The following KCNJ6 variants were observed in gnomAD, a reference collection of about 807,000 sequenced individuals.
The protein encoded by KCNJ6 is G protein-activated inward rectifier potassium channel 2.
Under a neutral mutation model 34.2 loss-of-function variants are expected in KCNJ6, and 9 were observed. The ratio of observed to expected loss-of-function variants is 0.26; its 90% CI spans 0.16 to 0.46. The LOEUF (loss-of-function observed/expected upper bound fraction) is 0.46. KCNJ6 is among the 20% of genes least tolerant of loss of function. KCNJ6 has a pLI of 1.00. For missense variants in KCNJ6, 236 were observed against 531.3 expected (o/e 0.44, Z 5.46); for synonymous variants, 196 against 207.1 (o/e 0.95, Z 0.46).
At chr21:37,756,405 T>C (rs1384142477) in intron 2 of KCNJ6, among the ~76,000 whole-genome samples, 3 of 152,100 alleles carry the variant, frequency 2.0e-5, no homozygotes, top group African/African-American at 7.2e-5. Flanking sequence ...AGGGCTGGCG[T>C]GGGGGCCTGG....
intron 2 of KCNJ6, among the ~76,000 whole-genome samples, chr21:37,787,813 T>G (rs978966446): frequency 3.3e-5 from 5 of 152,190 alleles, no homozygotes; most frequent in Admixed American, 6.5e-5. Flanking sequence ...ATGAGAAATA[T>G]TAATTAAAGT....
chr21:37,654,105 GTTTTTTTT>G (rs537326162), intron 3 of KCNJ6, among the ~76,000 whole-genome samples: 3 of 122,746 alleles, frequency 2.4e-5, no homozygotes, highest in Non-Finnish European at 3.4e-5. Flanking sequence ...CACTTTGTGG[GTTTTTTTT>G]TTTTTTTTTT....
At chr21:37,756,629 AG>A (rs1306017119) in intron 2 of KCNJ6, among the ~76,000 whole-genome samples, 17 of 51,556 alleles carry the variant, frequency 3.3e-4, no homozygotes, top group African/African-American at 1.1e-3. Context: ...ATTCCAGCCC[AG>A]AGTGAGCACT....
At chr21:37,781,296 C>T (rs961974235) in intron 2 of KCNJ6, among the ~76,000 whole-genome samples, 5 of 152,168 alleles carry the variant, frequency 3.3e-5, no homozygotes, top group South Asian at 2.1e-4. Flanking sequence ...CAAATATTTT[C>T]GTGTGCCAGC....
intron 1 of KCNJ6, among the ~76,000 whole-genome samples, chr21:37,853,846 G>GTATGTATATATATATATATA (rs1555850323): frequency 6.0e-4 from 70 of 115,950 alleles, no homozygotes; most frequent in African/African-American, 2.7e-3. Context: ...ATATATATAT[G>GTATGTATATATATATATATA]TATATATATA....
intron 1 of KCNJ6, among the ~76,000 whole-genome samples, chr21:37,849,142 G>A (rs1187652471): frequency 6.6e-6 from 1 of 152,214 alleles, no homozygotes; most frequent in Non-Finnish European, 1.5e-5. Flanking sequence ...GCCCGTGGTG[G>A]ACAAGCATCT....
chr21:37,875,454 G>C (rs866956871), intron 1 of KCNJ6, among the ~76,000 whole-genome samples: 1 of 152,106 alleles, frequency 6.6e-6, no homozygotes, highest in Non-Finnish European at 1.5e-5. Flanking sequence ...CCAGAGGTGG[G>C]GACAGAGTGA....
chr21:37,769,308 A>T (rs2055106445), intron 2 of KCNJ6, among the ~76,000 whole-genome samples: 1 of 151,974 alleles, frequency 6.6e-6, no homozygotes, highest in Non-Finnish European at 1.5e-5. Flanking sequence ...CATGGTGTAT[A>T]TTGTGTTCAG....
At chr21:37,853,853 T>TATATAC (rs2055550570) in intron 1 of KCNJ6, among the ~76,000 whole-genome samples, 1 of 142,292 alleles carries the variant, frequency 7.0e-6, no homozygotes, top group South Asian at 2.2e-4. Flanking sequence ...TATGTATATA[T>TATATAC]ATATATATAA....
At chr21:37,637,948 A>G (rs1364376729) in intron 3 of KCNJ6, among the ~76,000 whole-genome samples, 1 of 152,176 alleles carries the variant, frequency 6.6e-6, no homozygotes, top group Non-Finnish European at 1.5e-5. Context: ...CAGCCTCTAG[A>G]ACTGTAAGGA....
chr21:37,792,597 G>T lies in KCNJ6; in HGVS notation c.25+48061C>A, dbSNP rs1354657232. Among the ~76,000 whole-genome samples, 4 of 152,226 alleles carry T rather than the reference G, an allele frequency of 2.6e-5. No individual in the cohort carries two copies. The South Asian group carries it at 8.3e-4, about 32-fold the overall frequency. On this transcript the variant is annotated intron_variant, in intron 2 of 3. Coordinates refer to ENST00000609713, the MANE Select transcript of KCNJ6 (RefSeq NM_002240.5). ...TATTGAGCAACTACTATATGCTAAG[G>T]GTTGTATGCTTATTGTCTCATCCAC... is the stretch of plus-strand genomic sequence containing the variant.
intron 3 of KCNJ6, among the ~76,000 whole-genome samples, chr21:37,688,517 G>A (rs1601420340): frequency 6.6e-6 from 1 of 152,156 alleles, no homozygotes; most frequent in East Asian, 1.9e-4. Flanking sequence ...AGTCAGTCAA[G>A]GACACAGCTA....
Position 37,615,241 on chromosome 21 carries a change from A to ATTTTTTTTTTTT in KCNJ6, c.*9917_*9918insAAAAAAAAAAAA, listed in dbSNP as rs2054262036. Reference sequence around the variant, plus strand: ...CAGACCCTCGACTGACATTCCCAGCATTCTTTTTTTTTTTTTTTTTTTTTT... The same window carrying ATTTTTTTTTTTT: ...CAGACCCTCGACTGACATTCCCAGCATTTTTTTTTTTTTTCTTTTTTTTTTTTTTTTTTTTTT... On this transcript the variant is annotated 3_prime_UTR_variant, in exon 4 of 4. Coordinates refer to ENST00000609713, the MANE Select transcript of KCNJ6 (RefSeq NM_002240.5). 1.8e-5 allele frequency: 2 copies of ATTTTTTTTTTTT among 111,856 alleles called. 1 individual carries two copies. The highest frequency in any genetic ancestry group is 3.5e-5 in the Non-Finnish European group (2 of 57,970). 6.9% of individuals were successfully genotyped at this position (111,856 alleles called of 1,614,324 possible). A position where few individuals can be genotyped will look rare whatever the true frequency, so the allele number is the denominator to read the frequency against.
intron 3 of KCNJ6, 150 bp from the exon 4 acceptor site, chr21:37,625,634 G>A (rs1288615204): frequency 1.6e-6 from 1 of 612,348 alleles, no homozygotes; most frequent in Non-Finnish European, 2.9e-6. Context: ...TCATGTTGTA[G>A]ACACATGCTA....
intron 1 of KCNJ6, among the ~76,000 whole-genome samples, chr21:37,896,676 C>T (rs2055790007): frequency 6.6e-6 from 1 of 152,046 alleles, no homozygotes; most frequent in Non-Finnish European, 1.5e-5. Context: ...GGCACGTGGG[C>T]TTGGGGATGA....
At chr21:37,724,587 G>A (rs2054844135) in intron 2 of KCNJ6, among the ~76,000 whole-genome samples, 1 of 152,188 alleles carries the variant, frequency 6.6e-6, no homozygotes. Flanking sequence ...GCAGGAGAAT[G>A]ACCCAATGGC....
chr21:37,685,697 A>AG (rs1396609418), intron 3 of KCNJ6, among the ~76,000 whole-genome samples: 7 of 118,206 alleles, frequency 5.9e-5, no homozygotes, highest in Admixed American at 1.0e-4. Context: ...AAAAAAAAAA[A>AG]AAAAAAAAAA....
intron 3 of KCNJ6, among the ~76,000 whole-genome samples, chr21:37,667,492 C>A (rs370256263): frequency 1.3e-5 from 2 of 151,704 alleles, no homozygotes; most frequent in East Asian, 3.9e-4. Flanking sequence ...GTAGCGGGAG[C>A]TGGGGTAGAG....
chr21:37,726,944 A>G (rs1416448229), intron 2 of KCNJ6, among the ~76,000 whole-genome samples: 5 of 152,230 alleles, frequency 3.3e-5, no homozygotes, highest in Non-Finnish European at 7.3e-5. Flanking sequence ...CTTTGCAGAT[A>G]TAAATAAGGT....
Sources: gnomAD v4.1 joint callset for allele counts (sites outside exome capture counted in the v4.1 genomes callset) on GRCh38, gnomAD v4.1.1 for gene constraint, MANE v1.5 for transcripts, NCBI Gene and HGNC (gene_info 2026-07-23, HGNC 2026-07-21) for gene names.